ITFG1: variants seen among roughly 807,000 people sequenced by gnomAD.
ITFG1 encodes the protein integrin alpha FG-GAP repeat containing 1, also known as T-cell immunomodulatory protein.
In ITFG1, 34 loss-of-function variants were observed where a neutral mutation model predicts 81.8. That is an observed-to-expected ratio of 0.42 (90% CI 0.32 to 0.55). The LOEUF is 0.55. ITFG1 is among the 20% of genes least tolerant of loss of function. The pLI, the probability that ITFG1 is intolerant of heterozygous loss-of-function variation, is 0.17. For missense variants in ITFG1, 672 were observed against 755.4 expected (o/e 0.89, Z 1.29); for synonymous variants, 285 against 270.6 (o/e 1.05, Z -0.52).
intron 14 of ITFG1, chr16:47,202,431 A>C (rs1965436564): frequency 6.6e-6 from 1 of 152,150 alleles, no homozygotes; most frequent in South Asian, 2.1e-4. Context: ...CATAGACAAA[A>C]CATTAAAACC....
At chr16:47,221,478 C>T (rs1039204634) in intron 13 of ITFG1, among the ~76,000 whole-genome samples, 11 of 152,080 alleles carry the variant, frequency 7.2e-5, no homozygotes, top group East Asian at 3.9e-4. Flanking sequence ...CTGCTGGATT[C>T]GGTTTGCCAG....
chr16:47,406,426 C>T (rs1472596779), intron 6 of ITFG1, among the ~76,000 whole-genome samples: 3 of 152,208 alleles, frequency 2.0e-5, no homozygotes, highest in Non-Finnish European at 1.5e-5. Flanking sequence ...ACGCCAATTT[C>T]ATCAAGAGCT....
At chr16:47,156,545 G>A (rs113383725) in intron 17 of ITFG1, among the ~76,000 whole-genome samples, 5 of 152,180 alleles carry the variant, frequency 3.3e-5, no homozygotes, top group South Asian at 2.1e-4. Flanking sequence ...AAAAACCTCC[G>A]TTTTGTATCT....
rs2151576447 is a variant in ITFG1 at position 47,338,353 on chromosome 16, A to G, written c.803-24530T>C. The stretch of plus-strand genomic sequence containing the variant: ...AACCCAGGAGGTGGAGGTTACAGTG[A>G]GCTGAGATCATGCCATTGCACTCCA... On this transcript the variant is annotated intron_variant, in intron 8 of 17. Coordinates refer to ENST00000320640, the MANE Select transcript of ITFG1 (RefSeq NM_030790.5). Among the ~76,000 whole-genome samples the G allele has an allele frequency of 2.6e-5, 4 of 152,298 alleles. No homozygotes were observed. In the Middle Eastern group the frequency reaches 0.01, roughly 389 times the overall value.
intron 6 of ITFG1, among the ~76,000 whole-genome samples, chr16:47,390,203 T>C (rs1968512982): frequency 6.6e-6 from 1 of 152,180 alleles, no homozygotes; most frequent in South Asian, 2.1e-4. Flanking sequence ...AAGGTGGTAA[T>C]CACTGAGGAT....
At chr16:47,318,244 T>C (rs534203445) in intron 8 of ITFG1, among the ~76,000 whole-genome samples, 1 of 152,320 alleles carries the variant, frequency 6.6e-6, no homozygotes, top group African/African-American at 2.4e-5. Context: ...GCACAAATAG[T>C]AGTGTACTCC....
chr16:47,200,411 C>T (rs187146596), intron 14 of ITFG1, among the ~76,000 whole-genome samples: 1 of 151,980 alleles, frequency 6.6e-6, no homozygotes, highest in East Asian at 1.9e-4. Context: ...CTCTCTTTAC[C>T]CCAGGAAAAT....
rs1967023569 is a variant in ITFG1, at chr16:47,298,704, CA to C, written c.1070+12535del. ...CATGGGTGATGGTGGATGCAGAGGT[CA>C]CATGAAGCCTGTCTCCTTCCTGAGT... On this transcript the variant is annotated intron_variant, in intron 10 of 17. Transcript: ENST00000320640. 3.9e-5 allele frequency among the ~76,000 whole-genome samples: 6 copies of C among 152,302 alleles called. No individual in the cohort carries two copies. In the South Asian group the frequency reaches 1.2e-3, roughly 32 times the overall value.
intron 14 of ITFG1, among the ~76,000 whole-genome samples, chr16:47,165,282 T>A (rs1205284078): frequency 6.6e-6 from 1 of 152,244 alleles, no homozygotes; most frequent in Non-Finnish European, 1.5e-5. Flanking sequence ...TCCAAAAATA[T>A]GCAATCACTG....
intron 14 of ITFG1, among the ~76,000 whole-genome samples, chr16:47,174,651 G>C (rs369423559): frequency 1.3e-5 from 2 of 152,134 alleles, no homozygotes; most frequent in Admixed American, 1.3e-4. Context: ...CTCCTGAGTA[G>C]CAGGAATTAG....
intron 8 of ITFG1, among the ~76,000 whole-genome samples, chr16:47,315,879 C>T (rs992663229): frequency 2.0e-5 from 3 of 151,978 alleles, no homozygotes; most frequent in African/African-American, 7.3e-5. Flanking sequence ...CAACCTCCCA[C>T]TCCTGGGTTC....
intron 8 of ITFG1, among the ~76,000 whole-genome samples, chr16:47,350,110 A>G (rs1048754681): frequency 1.3e-5 from 2 of 152,272 alleles, no homozygotes; most frequent in African/African-American, 4.8e-5. Flanking sequence ...CAAGAGAAAG[A>G]AGGAAAGATC....
At chr16:47,390,170 G>A (rs988301158) in intron 6 of ITFG1, among the ~76,000 whole-genome samples, 3 of 152,150 alleles carry the variant, frequency 2.0e-5, no homozygotes, top group African/African-American at 7.2e-5. Flanking sequence ...TTCACCAGAT[G>A]GACAGTTATA....
At chr16:47,249,396 G>C (rs956505499) in intron 12 of ITFG1, among the ~76,000 whole-genome samples, 13 of 152,124 alleles carry the variant, frequency 8.5e-5, no homozygotes, top group African/African-American at 3.1e-4. Flanking sequence ...TCTAGCCTGG[G>C]TGACAAAGCG....
chr16:47,219,000 AG>A, intron 13 of ITFG1, 54 bp from the exon 14 acceptor site: 3 of 1,296,800 alleles, frequency 2.3e-6, no homozygotes, highest in Non-Finnish European at 3.2e-6. Flanking sequence ...AATTATTGGA[AG>A]TTTCAGGCAA....
intron 6 of ITFG1, among the ~76,000 whole-genome samples, chr16:47,386,872 G>C (rs1968469883): frequency 6.6e-6 from 1 of 152,136 alleles, no homozygotes; most frequent in African/African-American, 2.4e-5. Context: ...CAAAACAAAT[G>C]GAGGTTTGAT....
At chr16:47,362,528 A>G (rs954840469) in intron 8 of ITFG1, among the ~76,000 whole-genome samples, 3 of 152,240 alleles carry the variant, frequency 2.0e-5, no homozygotes, top group African/African-American at 7.2e-5. Flanking sequence ...TGGTAATCCA[A>G]TGGATTCCCA....
Position 47,434,660 on chromosome 16 carries a change from A to G in ITFG1, c.561-5762T>C, listed in dbSNP as rs1969142791. 3.9e-5 allele frequency among the ~76,000 whole-genome samples: 6 copies of G among 152,198 alleles called. No individual in the cohort carries two copies. The South Asian group carries it at 8.3e-4, about 21-fold the overall frequency. ...GTGTGGTGATTCCTCAAAGACCGAG[A>G]GGCAGAAATACCATTTGATCTACCA... On this transcript the variant is annotated intron_variant, in intron 5 of 17. Transcript: ENST00000320640.
chr16:47,185,251 T>G (rs951044075), intron 14 of ITFG1, among the ~76,000 whole-genome samples: 1 of 152,174 alleles, frequency 6.6e-6, no homozygotes, highest in Non-Finnish European at 1.5e-5. Flanking sequence ...TACCCAGGAA[T>G]TGAACTCAGC....
Sources: gnomAD v4.1 joint callset for allele counts (sites outside exome capture counted in the v4.1 genomes callset) on GRCh38, gnomAD v4.1.1 for gene constraint, MANE v1.5 for transcripts, NCBI Gene and HGNC (gene_info 2026-07-23, HGNC 2026-07-21) for gene names.